CNTN5: variants seen among roughly 807,000 people sequenced by gnomAD.
The protein encoded by CNTN5 is contactin-5.
In CNTN5, 77 loss-of-function variants were observed where a neutral mutation model predicts 129.1. The ratio of observed to expected loss-of-function variants is 0.60; its 90% confidence interval spans 0.50 to 0.72. CNTN5 has a LOEUF of 0.72. CNTN5 is among the 30% of genes least tolerant of loss of function. CNTN5 has a pLI of 0.00. For synonymous variants in CNTN5, 509 were observed against 465.6 expected (o/e 1.09, Z -1.20); for missense variants, 1,478 against 1,328.8 (o/e 1.11, Z -1.75).
intron 6 of CNTN5, among the ~76,000 whole-genome samples, chr11:99,884,156 C>T (rs971018930): frequency 6.6e-6 from 1 of 151,950 alleles, no homozygotes; most frequent in Admixed American, 6.6e-5. Flanking sequence ...TCTATATAGA[C>T]CTCAGAAATT....
chr11:100,294,589 G>C (rs1011074352), intron 18 of CNTN5, among the ~76,000 whole-genome samples: 1 of 151,616 alleles, frequency 6.6e-6, no homozygotes, highest in Non-Finnish European at 1.5e-5. Context: ...ATCAGTAGTT[G>C]ACTGAGGAAG....
chr11:99,025,789 T>C (rs1212548422), intron 1 of CNTN5, among the ~76,000 whole-genome samples: 2 of 151,734 alleles, frequency 1.3e-5, no homozygotes, highest in African/African-American at 4.8e-5. Flanking sequence ...GTTGATTTTG[T>C]GAGAAATTTA....
chr11:99,866,974 A>G (rs573754421), intron 6 of CNTN5, among the ~76,000 whole-genome samples: 3 of 152,278 alleles, frequency 2.0e-5, no homozygotes, highest in Admixed American at 1.3e-4. Flanking sequence ...GGTTTTTACA[A>G]TTTTAGGTGT....
intron 3 of CNTN5, among the ~76,000 whole-genome samples, chr11:99,759,163 C>T (rs1045800652): frequency 9.9e-5 from 15 of 151,964 alleles, no homozygotes; most frequent in East Asian, 5.8e-4. Context: ...AAGAAATTTG[C>T]CCTAGGTTAC....
chr11:100,145,180 T>G (rs577333650), intron 13 of CNTN5, among the ~76,000 whole-genome samples: 215 of 152,250 alleles, frequency 1.4e-3, no homozygotes, highest in African/African-American at 5.0e-3. Flanking sequence ...GTAGAGTTCT[T>G]GGGAAGAGTA....
chr11:99,753,788 T>C (rs1336906542), intron 3 of CNTN5, among the ~76,000 whole-genome samples: 1 of 148,462 alleles, frequency 6.7e-6, no homozygotes, highest in African/African-American at 2.5e-5. Flanking sequence ...TCTGGGTTCA[T>C]GCAATTCTCA....
intron 3 of CNTN5, among the ~76,000 whole-genome samples, chr11:99,654,891 G>A (rs1350173370): frequency 1.1e-5 from 1 of 91,546 alleles, no homozygotes; most frequent in Non-Finnish European, 2.9e-5. Flanking sequence ...CTAGGTTGCA[G>A]CAGAAAAAAA....
At chr11:99,062,062 A>C (rs960875719) in intron 1 of CNTN5, among the ~76,000 whole-genome samples, 3 of 152,122 alleles carry the variant, frequency 2.0e-5, no homozygotes, top group African/African-American at 7.2e-5. Flanking sequence ...CTCTTGATTA[A>C]ATTGGGCTCA....
At chr11:99,753,153 C>T (rs1478555608) in intron 3 of CNTN5, among the ~76,000 whole-genome samples, 6 of 114,824 alleles carry the variant, frequency 5.2e-5, no homozygotes, top group East Asian at 3.3e-4. Context: ...GATGGAGTCT[C>T]GCTTTGTCGC....
At chr11:100,300,348 C>T (rs182109390) in intron 20 of CNTN5, among the ~76,000 whole-genome samples, 246 of 151,382 alleles carry the variant, frequency 1.6e-3, no homozygotes, top group African/African-American at 5.6e-3. Context: ...GTTAACCTTA[C>T]AAGTGGGGGA....
chr11:99,251,312 A>C (rs529030693), intron 1 of CNTN5, among the ~76,000 whole-genome samples: 4 of 152,102 alleles, frequency 2.6e-5, no homozygotes, highest in Admixed American at 2.6e-4. Flanking sequence ...TAATTAAGAA[A>C]ATGATCTAAC....
intron 18 of CNTN5, among the ~76,000 whole-genome samples, chr11:100,274,145 G>A (rs1950458435): frequency 6.6e-6 from 1 of 152,162 alleles, no homozygotes; most frequent in Non-Finnish European, 1.5e-5. Context: ...TCAATAAATG[G>A]TGCTGAGATA....
At chr11:99,683,010 G>A (rs113087891) in intron 3 of CNTN5, among the ~76,000 whole-genome samples, 67 of 151,902 alleles carry the variant, frequency 4.4e-4, no homozygotes, top group African/African-American at 1.6e-3. Context: ...TTATTCTGTT[G>A]AATTGTCTTA....
intron 1 of CNTN5, among the ~76,000 whole-genome samples, chr11:99,084,752 T>C (rs1364731477): frequency 3.3e-5 from 5 of 152,170 alleles, no homozygotes; most frequent in Non-Finnish European, 7.3e-5. Context: ...AAAAGTGCTC[T>C]AAGTTTTAGG....
intron 13 of CNTN5, among the ~76,000 whole-genome samples, chr11:100,120,986 G>A (rs894441940): frequency 4.6e-5 from 7 of 151,350 alleles, no homozygotes; most frequent in Non-Finnish European, 8.8e-5. Context: ...CATCCCCTTC[G>A]CCTTCAGAAA....
Position 100,321,188 on chromosome 11 carries a change from G to A in CNTN5, c.2730+12720G>A, listed in dbSNP as rs557871353. 9.2e-5 allele frequency among the ~76,000 whole-genome samples: 14 copies of A among 151,460 alleles called. No individual in the cohort carries two copies. The South Asian group carries it at 1.0e-3, about 11-fold the overall frequency. Reference sequence around the variant, plus strand: ...TAATTTTTCCAGTCCATGAACATAGGATTTTTTTCCATTTATTTATGTCTT... The same window carrying A: ...TAATTTTTCCAGTCCATGAACATAGAATTTTTTTCCATTTATTTATGTCTT... On this transcript the variant is annotated intron_variant, in intron 21 of 24. Coordinates refer to ENST00000524871, the MANE Select transcript of CNTN5 (RefSeq NM_014361.4).
intron 1 of CNTN5, among the ~76,000 whole-genome samples, chr11:99,168,367 C>A (rs1413044299): frequency 2.0e-5 from 3 of 152,008 alleles, no homozygotes; most frequent in African/African-American, 2.4e-5. Context: ...GTCACAAGGT[C>A]AGGAGTTCGA....
chr11:99,634,106 G>T (rs550051840), intron 3 of CNTN5, among the ~76,000 whole-genome samples: 2 of 152,292 alleles, frequency 1.3e-5, no homozygotes, highest in African/African-American at 4.8e-5. Flanking sequence ...AGGATGTATT[G>T]GAAGTGGACT....
chr11:99,822,986 C>G (rs778148708), intron 4 of CNTN5, among the ~76,000 whole-genome samples: 17 of 152,338 alleles, frequency 1.1e-4, no homozygotes, highest in Non-Finnish European at 1.2e-4. Context: ...TGGGAGTGGC[C>G]TCTGGCCAAC....
Sources: allele counts gnomAD v4.1 joint callset (sites outside exome capture counted in the v4.1 genomes callset), GRCh38; gene constraint gnomAD v4.1.1; transcripts MANE v1.5; gene names NCBI Gene and HGNC (gene_info 2026-07-23, HGNC 2026-07-21).